The following HTR2C variants were observed in gnomAD, a reference collection of about 807,000 sequenced individuals.
HTR2C encodes the protein 5-hydroxytryptamine (serotonin) receptor 2C, G protein-coupled.
HTR2C carries 5 observed loss-of-function variants against 21.0 expected under a neutral mutation model. The ratio of observed to expected loss-of-function variants is 0.24; its 90% confidence interval spans 0.12 to 0.50. HTR2C has a LOEUF of 0.50. HTR2C is among the 20% of genes least tolerant of loss of function. HTR2C has a pLI of 0.98. For missense variants in HTR2C, 271 were observed against 371.2 expected (o/e 0.73, Z 2.22); for synonymous variants, 150 against 145.3 (o/e 1.03, Z -0.23).
At chrX:114,726,439 C>T (rs1305521408) in intron 2 of HTR2C, among the ~76,000 whole-genome samples, 2 of 112,245 alleles carry the variant, frequency 1.8e-5, no homozygotes, top group South Asian at 7.5e-4. Context: ...GAGATGAAGC[C>T]GGTATCTCAG....
intron 4 of HTR2C, among the ~76,000 whole-genome samples, chrX:114,772,099 A>C (rs1450355142): frequency 9.0e-6 from 1 of 111,635 alleles, no homozygotes; most frequent in African/African-American, 3.3e-5. Flanking sequence ...AATATCTTTT[A>C]AGCCAAATCT....
chrX:114,761,888 T>TATACATATATGTATATATATAC (rs2069872948), intron 4 of HTR2C, among the ~76,000 whole-genome samples: 1 of 12,283 alleles, frequency 8.1e-5, no homozygotes, highest in Non-Finnish European at 3.1e-4. Context: ...TATATATATA[T>TATACATATATGTATATATATAC]GTGTATATAT....
intron 4 of HTR2C, among the ~76,000 whole-genome samples, chrX:114,812,557 C>G (rs993128425): frequency 9.1e-6 from 1 of 110,045 alleles, no homozygotes; most frequent in African/African-American, 3.3e-5. Flanking sequence ...TGGTGAAACC[C>G]CATCTCTACT....
intron 2 of HTR2C, among the ~76,000 whole-genome samples, chrX:114,707,390 C>T (rs1296883803): frequency 9.1e-6 from 1 of 110,204 alleles, no homozygotes; most frequent in African/African-American, 3.3e-5. Flanking sequence ...CATGGCACTC[C>T]AGCCTTTCTC....
At chrX:114,607,560 A>G (rs1425619348) in intron 1 of HTR2C, among the ~76,000 whole-genome samples, 1 of 112,217 alleles carries the variant, frequency 8.9e-6, no homozygotes, top group Non-Finnish European at 1.9e-5. Context: ...TTAATATTTC[A>G]TAGTGCTTCA....
chrX:114,601,467 G>T (rs1216110436), intron 1 of HTR2C, among the ~76,000 whole-genome samples: 1 of 106,735 alleles, frequency 9.4e-6, no homozygotes, highest in Non-Finnish European at 1.9e-5. Context: ...GCGGGCAGGA[G>T]TGGGGGTCGC....
At chrX:114,735,353 TAAAGC>T (rs1328657522) in intron 4 of HTR2C, among the ~76,000 whole-genome samples, 1 of 110,343 alleles carries the variant, frequency 9.1e-6, no homozygotes, top group African/African-American at 3.3e-5. Context: ...AATTACAAAA[TAAAGC>T]AAAATAAAAT....
At chrX:114,804,103 T>C (rs2070379137) in intron 4 of HTR2C, among the ~76,000 whole-genome samples, 1 of 111,631 alleles carries the variant, frequency 9.0e-6, no homozygotes, top group African/African-American at 3.3e-5. Flanking sequence ...AAGCTGGATC[T>C]ATGCCAGAGT....
intron 2 of HTR2C, among the ~76,000 whole-genome samples, chrX:114,658,106 A>G (rs782708981): frequency 4.5e-5 from 5 of 111,574 alleles, no homozygotes; most frequent in Admixed American, 2.9e-4. Context: ...TGATCCTTGC[A>G]TTAGATTTTA....
intron 4 of HTR2C, among the ~76,000 whole-genome samples, chrX:114,743,226 G>A (rs973822022): frequency 2.0e-5 from 2 of 101,760 alleles, no homozygotes; most frequent in Admixed American, 1.1e-4. Context: ...ATGATTTATA[G>A]TCCTTTGGGT....
intron 4 of HTR2C, among the ~76,000 whole-genome samples, chrX:114,799,131 G>A (rs190016534): frequency 1.1e-3 from 121 of 110,493 alleles, no homozygotes; most frequent in Non-Finnish European, 1.4e-3. Context: ...AGGGAGAGAT[G>A]ACTAAGAATT....
chrX:114,898,743 A>G (rs1431361701), intron 5 of HTR2C, among the ~76,000 whole-genome samples: 7 of 111,623 alleles, frequency 6.3e-5, no homozygotes, highest in Non-Finnish European at 9.4e-5. Flanking sequence ...ATTCTGTTCC[A>G]TTGGTCTATG....
intron 2 of HTR2C, among the ~76,000 whole-genome samples, chrX:114,666,646 T>C (rs1931189267): frequency 9.0e-6 from 1 of 111,410 alleles, no homozygotes; most frequent in African/African-American, 3.2e-5. Context: ...CACTCACTTT[T>C]TTTTCTTTCT....
At chrX:114,891,004 A>C (rs2071254685) in intron 5 of HTR2C, among the ~76,000 whole-genome samples, 1 of 111,576 alleles carries the variant, frequency 9.0e-6, no homozygotes, top group Non-Finnish European at 1.9e-5. Flanking sequence ...TCTCAGGCTT[A>C]ATTCATATTT....
At chrX:114,716,017 G>A (rs895031135) in intron 2 of HTR2C, among the ~76,000 whole-genome samples, 5 of 112,068 alleles carry the variant, frequency 4.5e-5, no homozygotes, top group African/African-American at 1.3e-4. Context: ...CCTGCAGATC[G>A]GTTGGAGTTG....
chrX:114,823,780 A>C (rs2070656444), intron 4 of HTR2C, among the ~76,000 whole-genome samples: 1 of 111,233 alleles, frequency 9.0e-6, no homozygotes. Context: ...GCATTAAACC[A>C]TATTAGCAAC....
chrX:114,780,900 A>C (rs1380770618), intron 4 of HTR2C, among the ~76,000 whole-genome samples: 1 of 111,609 alleles, frequency 9.0e-6, no homozygotes, highest in Non-Finnish European at 1.9e-5. Flanking sequence ...AATATACCTG[A>C]AAAACTTCAG....
intron 2 of HTR2C, among the ~76,000 whole-genome samples, chrX:114,659,314 G>A (rs1556409778): frequency 9.0e-6 from 1 of 111,222 alleles, no homozygotes; most frequent in East Asian, 2.8e-4. Flanking sequence ...AGAGGCTAAT[G>A]TAGCATCATA....
intron 5 of HTR2C, among the ~76,000 whole-genome samples, chrX:114,876,609 C>A (rs1043391373): frequency 1.4e-4 from 15 of 108,577 alleles, no homozygotes; most frequent in African/African-American, 5.0e-4. Flanking sequence ...AGGTATATTC[C>A]TTTGATACCT....
Sources: allele counts gnomAD v4.1 joint callset (sites outside exome capture counted in the v4.1 genomes callset), GRCh38; gene constraint gnomAD v4.1.1; transcripts MANE v1.5; gene names NCBI Gene and HGNC (gene_info 2026-07-23, HGNC 2026-07-21).